WBP2NL: variants seen among roughly 807,000 people sequenced by gnomAD.
WBP2NL encodes WBP2 N-terminal like, also known as postacrosomal sheath WW domain-binding protein.
Under a neutral mutation model 23.3 loss-of-function variants are expected in WBP2NL, and 27 were observed. The ratio of observed to expected loss-of-function variants is 1.16; its 90% CI spans 0.85 to 1.60. WBP2NL has a LOEUF of 1.60. Ranked by LOEUF, WBP2NL falls within the 40% of genes most tolerant of loss-of-function variation. The probability of loss-of-function intolerance (pLI) is 0.00; values close to 1 mark genes in which losing one functional copy is unlikely to be tolerated. For synonymous variants in WBP2NL, 151 were observed against 145.9 expected (o/e 1.03, Z -0.25); for missense variants, 370 against 389.5 (o/e 0.95, Z 0.42).
chr22:42,008,106 C>CCTTTCCTTTGCTTTG (rs1922435037), intron 1 of WBP2NL, among the ~76,000 whole-genome samples: 1 of 117,734 alleles, frequency 8.5e-6, no homozygotes, highest in African/African-American at 3.2e-5. Flanking sequence ...CCTTTCCTTT[C>CCTTTCCTTTGCTTTG]CTTTCCTTTC....
At chr22:42,040,421 C>A (rs1439244776) in intron 8 of WBP2NL, among the ~76,000 whole-genome samples, 1 of 152,106 alleles carries the variant, frequency 6.6e-6, no homozygotes, top group Non-Finnish European at 1.5e-5. Flanking sequence ...CGAGGTTTCA[C>A]CATGTTCGCC....
intron 1 of WBP2NL, among the ~76,000 whole-genome samples, chr22:42,007,204 G>C (rs1399062524): frequency 6.6e-6 from 1 of 152,090 alleles, no homozygotes; most frequent in Non-Finnish European, 1.5e-5. Flanking sequence ...ATCTGGAATA[G>C]TCTGGGTTTT....
At position 42,000,786 on chromosome 22, in the gene WBP2NL, A is replaced by C. The variant is rs866770020; in HGVS notation, c.62+1906A>C. Among the ~76,000 whole-genome samples, 203 of 151,496 alleles carry C rather than the reference A, an allele frequency of 1.3e-3. 2 individuals are homozygous for C. In the Middle Eastern group the frequency reaches 0.021, roughly 15 times the overall value. ...TACTAAAAATACAAAAAAAAAAAAA[A>C]CAGCCGGGAGTGGTGGCGGATGTCT... On this transcript the variant is annotated intron_variant, in intron 1 of 5. Coordinates refer to ENST00000328823, the MANE Select transcript of WBP2NL (RefSeq NM_152613.3).
downstream of WBP2NL, among the ~76,000 whole-genome samples, chr22:42,036,842 T>C (rs1346397957): frequency 6.6e-6 from 1 of 152,218 alleles, no homozygotes; most frequent in Non-Finnish European, 1.5e-5. Flanking sequence ...CCTTATCAGC[T>C]ATATAGTTTC....
chr22:42,016,928 C>T (rs941049258), intron 1 of WBP2NL, among the ~76,000 whole-genome samples: 30 of 152,260 alleles, frequency 2.0e-4, no homozygotes, highest in African/African-American at 6.5e-4. Flanking sequence ...GCTGTAGTTC[C>T]AGCATAGCTT....
chr22:42,000,889 A>G (rs1417242150), intron 1 of WBP2NL, among the ~76,000 whole-genome samples: 1 of 152,080 alleles, frequency 6.6e-6, no homozygotes, highest in Non-Finnish European at 1.5e-5. Context: ...AGGTGAACCA[A>G]AAGGTTGAGG....
intron 8 of WBP2NL, among the ~76,000 whole-genome samples, chr22:42,045,256 G>A (rs1159788510): frequency 6.6e-6 from 1 of 152,068 alleles, no homozygotes; most frequent in African/African-American, 2.4e-5. Flanking sequence ...GGCCAACATG[G>A]TGAAACCCCG....
intron 5 of WBP2NL, among the ~76,000 whole-genome samples, chr22:42,024,251 T>C (rs1924263902): frequency 6.6e-6 from 1 of 152,260 alleles, no homozygotes; most frequent in African/African-American, 2.4e-5. Flanking sequence ...TGATGGACAT[T>C]TGTCTTGTTT....
Position 42,019,358 on chromosome 22 carries a change from C to G in WBP2NL, c.110C>G (p.Ser37Ter), listed in dbSNP as rs749985324. ...PNVELSFPQR[S>*]EGSNVFSGRK... The stretch of plus-strand genomic sequence containing the variant: ...GTGGAGCTCTCCTTCCCACAGCGAT[C>G]AGAAGGCTCAAATGTCTTTAGTGGT... Residue 37 changes from serine (S) to a stop codon, truncating the protein, a stop_gained, in exon 2 of 6, where the codon TCA becomes TGA. Transcript: ENST00000328823. LOFTEE classifies it high-confidence loss of function. 1.9e-5 allele frequency: 31 copies of G among 1,614,070 alleles called. No homozygotes were observed. In the Middle Eastern group the frequency reaches 4.9e-4, roughly 26 times the overall value.
At chr22:42,005,655 C>G (rs564130892) in intron 1 of WBP2NL, among the ~76,000 whole-genome samples, 13 of 152,314 alleles carry the variant, frequency 8.5e-5, no homozygotes, top group African/African-American at 2.9e-4. Flanking sequence ...CAATACAGTA[C>G]ACATATCATT....
At chr22:42,026,626 A>C (rs1569451547) in intron 5 of WBP2NL, 140 bp from the exon 6 acceptor site, 5 of 1,357,114 alleles carry the variant, frequency 3.7e-6, no homozygotes. Context: ...TGATAGCTAG[A>C]GGAAATAGCT....
chr22:42,020,907 T>C (rs915786770), intron 4 of WBP2NL, among the ~76,000 whole-genome samples: 3 of 65,076 alleles, frequency 4.6e-5, no homozygotes, highest in Non-Finnish European at 9.1e-5. Flanking sequence ...TATATATATA[T>C]ATTTTTTTTT....
downstream of WBP2NL, among the ~76,000 whole-genome samples, chr22:42,034,619 G>A (rs902703184): frequency 1.3e-5 from 2 of 152,130 alleles, no homozygotes; most frequent in Non-Finnish European, 2.9e-5. Flanking sequence ...TTTATTAGGC[G>A]GGAATTTCCT....
Position 42,026,878 on chromosome 22 carries a change from A to C in WBP2NL, c.627A>C (p.Gly209=). The C allele has an allele frequency of 6.2e-7, 1 of 1,612,340 alleles. No individual in the cohort carries two copies. Among genetic ancestry groups the C allele is most frequent in the Non-Finnish European group, 8.5e-7 (1 of 1,179,554 alleles). ...QPVGNEGPPV[G]YRASPVRYGA... ...TAGGAAATGAAGGCCCGCCTGTGGG[A>C]TACAGAGCCTCACCTGTGCGATATG... Residue 209 remains glycine, a synonymous_variant, in exon 6 of 6, where the codon GGA becomes GGC. Transcript: ENST00000328823.
At chr22:42,045,686 A>T (rs549632146) in intron 8 of WBP2NL, among the ~76,000 whole-genome samples, 2 of 152,212 alleles carry the variant, frequency 1.3e-5, no homozygotes, top group Admixed American at 1.3e-4. Context: ...CAATAGCCCT[A>T]TATGTATTTT....
In WBP2NL at chr22:42,015,691, CG is replaced by C. The variant is rs1400971596; in HGVS notation, c.63-3619del. 3.7e-4 allele frequency among the ~76,000 whole-genome samples: 57 copies of C among 152,078 alleles called. 1 individual carries two copies. The highest frequency in any genetic ancestry group is 2.8e-4 in the Non-Finnish European group (19 of 68,032). ...GTGCTAGATTACAGGCGTGAGCCACCGCACCGAGGCCTTTTTGCATCACTTC... is the reference window on the plus strand; with the variant it reads ...GTGCTAGATTACAGGCGTGAGCCACCCACCGAGGCCTTTTTGCATCACTTC... On this transcript the variant is annotated intron_variant, in intron 1 of 5. Coordinates refer to ENST00000328823, the MANE Select transcript of WBP2NL (RefSeq NM_152613.3).
intron 1 of WBP2NL, chr22:42,001,608 C>G: frequency 2.0e-6 from 2 of 1,023,640 alleles, no homozygotes; most frequent in Non-Finnish European, 3.0e-6. Context: ...CCAGTGGCAC[C>G]GCCTGATGCC....
chr22:42,056,880 T>C (rs183677582), intron 8 of WBP2NL, among the ~76,000 whole-genome samples: 160 of 152,306 alleles, frequency 1.1e-3, no homozygotes, highest in African/African-American at 3.8e-3. Context: ...TATTTTTAAA[T>C]GTACCCATTG....
At chr22:41,999,217 C>A (rs1487706872) in intron 1 of WBP2NL, among the ~76,000 whole-genome samples, 3 of 152,220 alleles carry the variant, frequency 2.0e-5, no homozygotes, top group African/African-American at 7.2e-5. Flanking sequence ...AGCTGACCGG[C>A]GGTTGTGAGC....
Sources: gnomAD v4.1 joint callset for allele counts (sites outside exome capture counted in the v4.1 genomes callset) on GRCh38, gnomAD v4.1.1 for gene constraint, MANE v1.5 for transcripts, NCBI Gene and HGNC (gene_info 2026-07-23, HGNC 2026-07-21) for gene names.